Variants in FABP7 observed in about 807,000 individuals in gnomAD.
FABP7 encodes fatty acid-binding protein, brain.
In FABP7, 13 loss-of-function variants were observed where a neutral mutation model predicts 14.2. That is an observed-to-expected ratio of 0.91 (90% CI 0.59 to 1.45). The LOEUF is 1.45. Among genes scored for constraint, FABP7 ranks in the 40% most tolerant of loss-of-function variants. The pLI is 0.00. For missense variants in FABP7, 149 were observed against 157.6 expected (o/e 0.95, Z 0.29); for synonymous variants, 49 against 51.4 (o/e 0.95, Z 0.20).
the FABP7 span, among the ~76,000 whole-genome samples, chr6:122,760,711 C>CT: frequency 6.6e-6 from 1 of 151,828 alleles, no homozygotes; most frequent in Non-Finnish European, 1.5e-5. Flanking sequence ...ATAAGTGGTT[C>CT]TTTTTTACAA....
At chr6:122,749,330 A>G in the FABP7 span, among the ~76,000 whole-genome samples, 1 of 152,248 alleles carries the variant, frequency 6.6e-6, no homozygotes, top group Non-Finnish European at 1.5e-5. Context: ...CAAATCAACA[A>G]AAAGGTAAAC....
chr6:122,761,436 C>A, the FABP7 span, among the ~76,000 whole-genome samples: 1 of 152,088 alleles, frequency 6.6e-6, no homozygotes, highest in Non-Finnish European at 1.5e-5. Context: ...CAGACTATAT[C>A]ATTTATGTAA....
the FABP7 span, among the ~76,000 whole-genome samples, chr6:122,760,655 G>GA: frequency 1.8e-3 from 272 of 151,754 alleles, no homozygotes; most frequent in African/African-American, 6.1e-3. Context: ...TTTTGACTAT[G>GA]AAAAATATGA....
At chr6:122,768,656 C>T in the FABP7 span, among the ~76,000 whole-genome samples, 1 of 151,960 alleles carries the variant, frequency 6.6e-6, no homozygotes, top group African/African-American at 2.4e-5. Flanking sequence ...TGTAATTAGC[C>T]AAATAAATGA....
At position 122,781,086 on chromosome 6, in the gene FABP7, G is replaced by A. The variant is rs1355747098; in HGVS notation, c.247-7G>A. 1.5e-5 allele frequency: 24 copies of A among 1,608,454 alleles called. No homozygotes were observed. The highest frequency in any genetic ancestry group is 2.0e-5 in the Non-Finnish European group (24 of 1,175,908). On this transcript the variant is annotated splice_region_variant and splice_polypyrimidine_tract_variant and intron_variant, in intron 2 of 3. Coordinates refer to ENST00000368444, the MANE Select transcript of FABP7 (RefSeq NM_001446.5). ...TGCTATGTTCTGCATTTTGTTGTTG[G>A]TCTCAGTCTGTTGTTAGCCTGGATG... is the stretch of plus-strand genomic sequence containing the variant.
upstream of FABP7, among the ~76,000 whole-genome samples, chr6:122,777,316 G>A (rs1293193380): frequency 6.6e-6 from 1 of 151,984 alleles, no homozygotes; most frequent in Non-Finnish European, 1.5e-5. Flanking sequence ...AACAGTCATC[G>A]GAATTTTAGC....
chr6:122,776,294 G>A (rs1175380359), upstream of FABP7, among the ~76,000 whole-genome samples: 1 of 152,082 alleles, frequency 6.6e-6, no homozygotes, highest in East Asian at 1.9e-4. Context: ...ATGGATGAAT[G>A]GATAAAGAAA....
chr6:122,769,919 C>T, the FABP7 span, among the ~76,000 whole-genome samples: 1 of 152,112 alleles, frequency 6.6e-6, no homozygotes, highest in Non-Finnish European at 1.5e-5. Context: ...AAAATTCAAA[C>T]AAAGGCTTAT....
At chr6:122,758,123 T>TA in the FABP7 span, among the ~76,000 whole-genome samples, 6 of 147,616 alleles carry the variant, frequency 4.1e-5, no homozygotes, top group African/African-American at 7.4e-5. Flanking sequence ...TTTTTTTTTT[T>TA]TAATTAACAG....
chr6:122,780,292 C>T lies in FABP7; in HGVS notation c.75C>T (p.Gly25=), dbSNP rs762435776. 9.3e-6 allele frequency: 15 copies of T among 1,613,842 alleles called. No individual in the cohort carries two copies. The highest frequency in any genetic ancestry group is 2.7e-5 in the African/African-American group (2 of 74,908). ...GTACTGTTCCCTTTGCTATTTTAGG[C>T]GTGGGCTTTGCCACTAGGCAGGTGG... ...QNFDEYMKAL[G]VGFATRQVGN... Residue 25 remains glycine, a splice_region_variant and synonymous_variant, in exon 2 of 4, where the codon GGC becomes GGT. Coordinates refer to ENST00000368444, the MANE Select transcript of FABP7 (RefSeq NM_001446.5).
intron 3 of FABP7, chr6:122,781,740 C>CCTTTT (rs1207410795): frequency 9.5e-4 from 700 of 740,502 alleles, no homozygotes; most frequent in Non-Finnish European, 1.0e-3. Context: ...AGTGATAACC[C>CCTTTT]TTTTTTTTTT....
chr6:122,780,010 TGA>T (rs1291631446), intron 1 of FABP7, 143 bp downstream of exon 1: 1 of 857,934 alleles, frequency 1.2e-6, no homozygotes. Context: ...CATTTTCCAC[TGA>T]ATGGATTTTT....
At chr6:122,764,047 A>G in the FABP7 span, among the ~76,000 whole-genome samples, 1 of 152,220 alleles carries the variant, frequency 6.6e-6, no homozygotes. Context: ...CTGGGTATAT[A>G]CCCAAAGGAT....
At chr6:122,758,555 A>AAAT in the FABP7 span, among the ~76,000 whole-genome samples, 11 of 152,150 alleles carry the variant, frequency 7.2e-5, no homozygotes, top group African/African-American at 2.7e-4. Flanking sequence ...TGGGCCATAT[A>AAAT]AATAGTTTTA....
chr6:122,753,780 T>TCCCCACC, the FABP7 span, among the ~76,000 whole-genome samples: 1 of 45,074 alleles, frequency 2.2e-5, no homozygotes, highest in Non-Finnish European at 4.6e-5. Context: ...TGGGTCCAAA[T>TCCCCACC]CCCGCCCCCC....
the FABP7 span, among the ~76,000 whole-genome samples, chr6:122,753,385 C>T: frequency 1.3e-5 from 2 of 152,138 alleles, no homozygotes; most frequent in East Asian, 1.9e-4. Flanking sequence ...TGTGCATCTA[C>T]TCAGAAAATT....
the FABP7 span, among the ~76,000 whole-genome samples, chr6:122,754,531 T>C: frequency 1.4e-4 from 21 of 152,250 alleles, no homozygotes; most frequent in East Asian, 1.5e-3. Flanking sequence ...ATCTCAACTT[T>C]TGTCAAAGGT....
the FABP7 span, among the ~76,000 whole-genome samples, chr6:122,753,797 C>CACA: frequency 9.3e-4 from 99 of 106,028 alleles, 3 homozygotes; most frequent in African/African-American, 3.4e-3. Flanking sequence ...CCCCCCCCGC[C>CACA]CACAGAAGTT....
chr6:122,749,711 T>C, the FABP7 span, among the ~76,000 whole-genome samples: 2 of 152,172 alleles, frequency 1.3e-5, no homozygotes, highest in Admixed American at 6.5e-5. Context: ...CAAATAATGC[T>C]TTGAGTGGAG....
Sources: allele counts gnomAD v4.1 joint callset (sites outside exome capture counted in the v4.1 genomes callset), GRCh38; gene constraint gnomAD v4.1.1; transcripts MANE v1.5; gene names NCBI Gene and HGNC (gene_info 2026-07-23, HGNC 2026-07-21).